THSD7A: variants seen among roughly 807,000 people sequenced by gnomAD.
THSD7A encodes thrombospondin type 1 domain containing 7A, also known as thrombospondin type-1 domain-containing protein 7A.
Under a neutral mutation model 231.3 loss-of-function variants are expected in THSD7A, and 96 were observed. That is an observed-to-expected ratio of 0.41 (90% confidence interval 0.35 to 0.49). The LOEUF (loss-of-function observed/expected upper bound fraction) is 0.49. Ranked by LOEUF, THSD7A falls within the 20% of genes least tolerant of loss-of-function variation. The probability of loss-of-function intolerance (pLI) is 0.05; values close to 1 mark genes in which losing one functional copy is unlikely to be tolerated. For missense variants in THSD7A, 2,290 were observed against 2,070.2 expected (o/e 1.11, Z -2.06); for synonymous variants, 940 against 743.3 (o/e 1.26, Z -4.30).
intron 7 of THSD7A, among the ~76,000 whole-genome samples, chr7:11,479,739 C>T (rs1786343027): frequency 6.6e-6 from 1 of 152,090 alleles, no homozygotes; most frequent in Admixed American, 6.6e-5. Context: ...GTTTCAGTGT[C>T]CACTAATAGG....
chr7:11,774,815 G>A (rs1467730484), intron 1 of THSD7A, among the ~76,000 whole-genome samples: 1 of 152,210 alleles, frequency 6.6e-6, no homozygotes, highest in Non-Finnish European at 1.5e-5. Context: ...GGCACTTTGG[G>A]AGGACGAGGT....
chr7:11,476,734 G>A (rs1786200902), intron 7 of THSD7A, among the ~76,000 whole-genome samples: 2 of 151,208 alleles, frequency 1.3e-5, no homozygotes, highest in African/African-American at 4.9e-5. Context: ...AGAATCGCTT[G>A]AGCCTGGGAG....
intron 1 of THSD7A, among the ~76,000 whole-genome samples, chr7:11,735,494 G>A (rs1434693084): frequency 6.6e-6 from 1 of 151,954 alleles, no homozygotes; most frequent in Non-Finnish European, 1.5e-5. Context: ...TGTGTAAGGT[G>A]TATATGAAAC....
At chr7:11,709,126 A>G (rs73294601) in intron 1 of THSD7A, among the ~76,000 whole-genome samples, 2,605 of 150,896 alleles carry the variant, frequency 0.017, 79 homozygotes, top group African/African-American at 0.06. Flanking sequence ...TAAGCTATGA[A>G]CAAGACAAGG....
intron 1 of THSD7A, among the ~76,000 whole-genome samples, chr7:11,786,349 T>C (rs1783791947): frequency 6.6e-6 from 1 of 152,036 alleles, no homozygotes; most frequent in Non-Finnish European, 1.5e-5. Flanking sequence ...TAGAAACCCC[T>C]GCGGAGAGAT....
In THSD7A at chr7:11,429,088, T is replaced by C; in HGVS notation, c.3102A>G (p.Ser1034=). Residue 1034 remains serine (S), a synonymous_variant, in exon 14 of 28, where the codon TCA becomes TCG. Transcript: ENST00000423059. ...IEEACIIPCP[S]DCKLSEWSNW... is the part of the protein sequence containing the mutation. ...TGGACCACTCACTGAGCTTGCAGTC[T>C]GAGGGGCAGGGGATGATGCAGGCCT... 1 of 1,610,234 alleles carries C rather than the reference T, an allele frequency of 6.2e-7. No homozygotes were observed. The highest frequency in any genetic ancestry group is 1.3e-5 in the African/African-American group (1 of 74,806).
At chr7:11,815,192 C>T (rs1784646629) in intron 1 of THSD7A, among the ~76,000 whole-genome samples, 1 of 151,890 alleles carries the variant, frequency 6.6e-6, no homozygotes, top group Non-Finnish European at 1.5e-5. Flanking sequence ...ATCAATGCCC[C>T]ATAGTCCAAT....
At chr7:11,730,152 G>C (rs557455750) in intron 1 of THSD7A, among the ~76,000 whole-genome samples, 1 of 151,654 alleles carries the variant, frequency 6.6e-6, no homozygotes, top group African/African-American at 2.4e-5. Flanking sequence ...AAGACAGCTT[G>C]CACCAAAATT....
At chr7:11,401,434 GA>G (rs1205475125) in intron 23 of THSD7A, among the ~76,000 whole-genome samples, 4 of 152,002 alleles carry the variant, frequency 2.6e-5, no homozygotes, top group Non-Finnish European at 4.4e-5. Flanking sequence ...ATTTATTTTT[GA>G]GATGGAATTT....
intron 6 of THSD7A, among the ~76,000 whole-genome samples, chr7:11,511,153 A>G (rs559781045): frequency 3.1e-4 from 47 of 152,320 alleles, no homozygotes; most frequent in African/African-American, 1.1e-3. Flanking sequence ...ACAAGCAGAG[A>G]GCCAAATCAT....
intron 1 of THSD7A, among the ~76,000 whole-genome samples, chr7:11,731,283 G>T (rs759952198): frequency 5.3e-5 from 8 of 151,194 alleles, no homozygotes; most frequent in African/African-American, 1.9e-4. Context: ...TCTCTATGAG[G>T]TTTCAACTTC....
chr7:11,635,713 T>C (rs1781812844), intron 2 of THSD7A, among the ~76,000 whole-genome samples: 1 of 152,124 alleles, frequency 6.6e-6, no homozygotes, highest in African/African-American at 2.4e-5. Flanking sequence ...ATAGGGTAAT[T>C]CTGAAAATGC....
chr7:11,653,448 A>AAGTG (rs764254140), intron 1 of THSD7A, among the ~76,000 whole-genome samples: 1 of 127,046 alleles, frequency 7.9e-6, no homozygotes, highest in Middle Eastern at 3.8e-3. Flanking sequence ...ACTCCCAGAT[A>AAGTG]TGTGTGTGTG....
At chr7:11,395,538 T>C (rs1783150416) in intron 23 of THSD7A, among the ~76,000 whole-genome samples, 1 of 149,698 alleles carries the variant, frequency 6.7e-6, no homozygotes, top group African/African-American at 2.5e-5. Context: ...TTTTTTTTTT[T>C]CTTTTTTGAG....
chr7:11,750,110 G>A (rs1583255509), intron 1 of THSD7A, among the ~76,000 whole-genome samples: 1 of 151,310 alleles, frequency 6.6e-6, no homozygotes, highest in Middle Eastern at 3.4e-3. Context: ...TTTACAGGGA[G>A]CCACAATTCT....
intron 1 of THSD7A, among the ~76,000 whole-genome samples, chr7:11,653,804 T>C (rs1306241688): frequency 6.6e-6 from 1 of 151,944 alleles, no homozygotes; most frequent in Non-Finnish European, 1.5e-5. Flanking sequence ...ATCGTAGTCA[T>C]GTGCACTAAA....
chr7:11,669,219 C>G (rs1783275127), intron 1 of THSD7A, among the ~76,000 whole-genome samples: 1 of 152,064 alleles, frequency 6.6e-6, no homozygotes, highest in African/African-American at 2.4e-5. Context: ...AAACTTACCT[C>G]ACTAGAGGAG....
chr7:11,579,436 C>T (rs2128337273), intron 4 of THSD7A, among the ~76,000 whole-genome samples: 1 of 152,272 alleles, frequency 6.6e-6, no homozygotes, highest in Non-Finnish European at 1.5e-5. Context: ...CCTCCTGGCG[C>T]TATCATTCAT....
chr7:11,545,494 C>T (rs984145765), intron 4 of THSD7A, among the ~76,000 whole-genome samples: 7 of 152,056 alleles, frequency 4.6e-5, no homozygotes, highest in African/African-American at 1.4e-4. Flanking sequence ...AAGACCTGCA[C>T]CCTCCAAGCA....
Sources: allele counts gnomAD v4.1 joint callset (sites outside exome capture counted in the v4.1 genomes callset), GRCh38; gene constraint gnomAD v4.1.1; transcripts MANE v1.5; gene names NCBI Gene and HGNC (gene_info 2026-07-23, HGNC 2026-07-21).